The following TMEM9B variants were observed in gnomAD, a reference collection of about 807,000 sequenced individuals.
TMEM9B encodes the protein TMEM9 domain family member B.
A neutral mutation model predicts 23.5 loss-of-function variants in TMEM9B; 8 were observed. The observed-to-expected ratio is 0.34, with a 90% CI of 0.20 to 0.61. The LOEUF (loss-of-function observed/expected upper bound fraction) is 0.61, where lower values mean the gene tolerates loss of function less well. Among genes scored for constraint, TMEM9B ranks in the 20% least tolerant of loss-of-function variants. TMEM9B has a pLI of 0.78. For missense variants in TMEM9B, 197 were observed against 252.3 expected (o/e 0.78, Z 1.49); for synonymous variants, 106 against 96.3 (o/e 1.10, Z -0.59).
chr11:8,955,141 A>C (rs1262343729), intron 3 of TMEM9B, among the ~76,000 whole-genome samples: 1 of 111,220 alleles, frequency 9.0e-6, no homozygotes, highest in Non-Finnish European at 1.9e-5. Flanking sequence ...ATAGAGCAAG[A>C]CTCCATCTCA....
At chr11:8,955,059 G>A (rs1171226758) in intron 3 of TMEM9B, among the ~76,000 whole-genome samples, 2 of 150,328 alleles carry the variant, frequency 1.3e-5, no homozygotes, top group African/African-American at 2.4e-5. Context: ...GCTGAGGCAG[G>A]AGAATCGCTT....
chr11:8,950,891 G>A (rs1853864194), intron 4 of TMEM9B, among the ~76,000 whole-genome samples: 1 of 152,168 alleles, frequency 6.6e-6, no homozygotes, highest in Non-Finnish European at 1.5e-5. Flanking sequence ...TATAAATAGT[G>A]CAGAACTCAC....
chr11:8,953,271 C>T lies in TMEM9B; in HGVS notation c.373G>A (p.Val125Ile). 1 of 1,613,886 alleles carries T rather than the reference C, an allele frequency of 6.2e-7. No homozygotes were observed. Among genetic ancestry groups the T allele is most frequent in the Non-Finnish European group, 8.5e-7 (1 of 1,179,968 alleles). ...AGGCGCCTCTTCAGTATGGGCTCAA[C>T]CAGAGTAAGATATACCATGTACAGA... ...LLLYMVYLTL[V>I]EPILKRRLFG... Residue 125 changes from valine (V) to isoleucine (I), a missense_variant, in exon 4 of 5, where the codon GTT becomes ATT. Physicochemically the swap from Val to Ile is conservative, Grantham distance 29. Coordinates refer to ENST00000534025, the MANE Select transcript of TMEM9B (RefSeq NM_020644.3).
At chr11:8,952,249 TACAC>T (rs142506777) in intron 4 of TMEM9B, among the ~76,000 whole-genome samples, 40,746 of 122,260 alleles carry the variant, frequency 0.33, 6,106 homozygotes, top group Middle Eastern at 0.43. Context: ...GCCAACTATA[TACAC>T]ACACACACAC....
chr11:8,964,112 C>A, intron 1 of TMEM9B, 97 bp downstream of exon 1: 1 of 1,244,388 alleles, frequency 8.0e-7, no homozygotes, highest in South Asian at 1.5e-5. Flanking sequence ...GTATGGCTGT[C>A]AGGAATGGGC....
rs1401728518 is a variant in TMEM9B at position 8,956,252 on chromosome 11, C to T, written c.244G>A (p.Val82Ile). 1.2e-6 allele frequency: 2 copies of T among 1,613,732 alleles called. No individual in the cohort carries two copies. The highest frequency in any genetic ancestry group is 1.7e-5 in the Admixed American group (1 of 59,982). ...TCACAGCGTAGACAGTATGCTTCTA[C>T]ATCAGGCCCCCGCACAGGCATGGGC... ...VEPMPVRGPD[V>I]EAYCLRCECK... Residue 82 changes from valine to isoleucine, a missense_variant, in exon 3 of 5, where the codon GTA becomes ATA. Val to Ile is a conservative substitution (Grantham distance 29, BLOSUM62 3). Coordinates refer to ENST00000534025, the MANE Select transcript of TMEM9B (RefSeq NM_020644.3).
Position 8,948,248 on chromosome 11 carries a change from C to G in TMEM9B, c.*72G>C. On this transcript the variant is annotated 3_prime_UTR_variant, in exon 5 of 5. Transcript: ENST00000534025. ...AATCAACAAGGTATTAAAATGAAAC[C>G]CAGCAAAACCCAGTCAGTTCTTTCC... 14 of 1,514,046 alleles carry G rather than the reference C, an allele frequency of 9.2e-6. No homozygotes were observed. Among genetic ancestry groups the G allele is most frequent in the Non-Finnish European group, 1.2e-5 (14 of 1,127,010 alleles). 93.8% of individuals were successfully genotyped at this position (1,514,046 alleles called of 1,614,324 possible).
chr11:8,964,267 C>A lies in TMEM9B; in HGVS notation c.47G>T (p.Ser16Ile). 1.3e-6 allele frequency: 2 copies of A among 1,596,712 alleles called. No individual in the cohort carries two copies. Among genetic ancestry groups the A allele is most frequent in the Non-Finnish European group, 1.7e-6 (2 of 1,172,560 alleles). Reference protein sequence around the residue: ...GGLLRLGSLLSLSCLALSVLL... With the variant: ...GGLLRLGSLLILSCLALSVLL... Reference sequence around the variant, plus strand: ...CACGGAAAGCGCCAGGCACGACAGGCTGAGCAAGGAGCCAAGCCGAAGAAG... The same window carrying A: ...CACGGAAAGCGCCAGGCACGACAGGATGAGCAAGGAGCCAAGCCGAAGAAG... The change falls in exon 1 of 5, where the codon AGC becomes ATC. Residue 16 changes from serine to isoleucine, a missense_variant. Physicochemically the swap from Ser to Ile is moderately radical, Grantham distance 142. Around this residue, in one of 2 missense-constraint regions of TMEM9B, gnomAD observed 56 missense variants for 38.2 expected, o/e 1.46. Transcript: ENST00000534025.
chr11:8,950,012 C>T (rs925346018), intron 4 of TMEM9B, among the ~76,000 whole-genome samples: 3 of 151,864 alleles, frequency 2.0e-5, no homozygotes, highest in Non-Finnish European at 2.9e-5. Context: ...GATCCTCCTG[C>T]CTCAGCGTCC....
At position 8,954,017 on chromosome 11, in the gene TMEM9B, C is replaced by T. The variant is rs369223360; in HGVS notation, c.307-680G>A. 3.3e-5 allele frequency among the ~76,000 whole-genome samples: 5 copies of T among 152,152 alleles called. No homozygotes were observed. The South Asian group carries it at 6.2e-4, about 19-fold the overall frequency. On this transcript the variant is annotated intron_variant, in intron 3 of 4. Coordinates refer to ENST00000534025, the MANE Select transcript of TMEM9B (RefSeq NM_020644.3). ...AGTAAAAACCCAGACATAATCCAAA[C>T]GTCCATCAACTGATAAATGCATATT...
At chr11:8,956,162 C>A in intron 3 of TMEM9B, 28 bp downstream of exon 3, 1 of 1,594,692 alleles carries the variant, frequency 6.3e-7, no homozygotes, top group Non-Finnish European at 8.6e-7. Flanking sequence ...GACAGACAGA[C>A]AGGTAGATAG....
chr11:8,956,916 T>C (rs1178271426), intron 2 of TMEM9B, among the ~76,000 whole-genome samples: 1 of 152,122 alleles, frequency 6.6e-6, no homozygotes, highest in Non-Finnish European at 1.5e-5. Context: ...GATCAGGTCT[T>C]GGTTTGTTGA....
In TMEM9B at chr11:8,958,029, C is replaced by T. The variant is rs188572791; in HGVS notation, c.198-1731G>A. 9.9e-5 allele frequency among the ~76,000 whole-genome samples: 15 copies of T among 151,794 alleles called. 1 individual carries two copies. The East Asian group carries it at 2.9e-3, about 30-fold the overall frequency. On this transcript the variant is annotated intron_variant, in intron 2 of 4. Coordinates refer to ENST00000534025, the MANE Select transcript of TMEM9B (RefSeq NM_020644.3). Reference sequence around the variant, plus strand: ...AAAAAATTAGCCAGGCATGGTGGTGCATGCCTGTAATCCCAGCTACTCAGG... The same window carrying T: ...AAAAAATTAGCCAGGCATGGTGGTGTATGCCTGTAATCCCAGCTACTCAGG...
At chr11:8,951,744 C>T (rs1406743456) in intron 4 of TMEM9B, among the ~76,000 whole-genome samples, 1 of 143,388 alleles carries the variant, frequency 7.0e-6, no homozygotes, top group African/African-American at 2.6e-5. Context: ...GGCAACAGAG[C>T]GAGACTGCGT....
Position 8,964,402 on chromosome 11 carries a change from C to A in TMEM9B, c.-89G>T, listed in dbSNP as rs1428191481. ...GCTCAGGCTCAGGCTCAGGCACAGGCTTGGGACCCGGCTGGGGATCCTCCG... is the reference window on the plus strand; with the variant it reads ...GCTCAGGCTCAGGCTCAGGCACAGGATTGGGACCCGGCTGGGGATCCTCCG... On this transcript the variant is annotated 5_prime_UTR_variant, in exon 1 of 5. Coordinates refer to ENST00000534025, the MANE Select transcript of TMEM9B (RefSeq NM_020644.3). The A allele has an allele frequency of 5.4e-6, 8 of 1,477,584 alleles. No individual in the cohort carries two copies. Among genetic ancestry groups the A allele is most frequent in the African/African-American group, 1.4e-5 (1 of 69,242 alleles). 91.5% of individuals were successfully genotyped at this position (1,477,584 alleles called of 1,614,324 possible). A position where few individuals can be genotyped will look rare whatever the true frequency, so the allele number is the denominator to read the frequency against.
At chr11:8,952,947 G>C (rs1420937397) in intron 4 of TMEM9B, 1 of 577,646 alleles carries the variant, frequency 1.7e-6, no homozygotes, top group Non-Finnish European at 3.1e-6. Flanking sequence ...CAATAAAATT[G>C]TGCCTTTGGT....
Position 8,948,458 on chromosome 11 carries a change from T to C in TMEM9B, c.459A>G (p.Ala153=). ...AGCGGGCTAGCACATCGTGTGCATTTGCAAAAGGCTGGTGATCCTAAAAGT... is the reference window on the plus strand; with the variant it reads ...AGCGGGCTAGCACATCGTGTGCATTCGCAAAAGGCTGGTGATCCTAAAAGT... ...DDDIGDHQPF[A]NAHDVLARSR... Residue 153 remains alanine (A), a synonymous_variant, in exon 5 of 5, where the codon GCA becomes GCG. Coordinates refer to ENST00000534025, the MANE Select transcript of TMEM9B (RefSeq NM_020644.3). 2 of 1,614,054 alleles carry C rather than the reference T, an allele frequency of 1.2e-6. No homozygotes were observed. Among genetic ancestry groups the C allele is most frequent in the Non-Finnish European group, 1.7e-6 (2 of 1,179,960 alleles).
rs1044594202 is a variant in TMEM9B, at chr11:8,948,180, A to G, written c.*140T>C. The G allele has an allele frequency of 7.0e-5, 77 of 1,102,716 alleles. No individual in the cohort carries two copies. Among genetic ancestry groups the G allele is most frequent in the Non-Finnish European group, 8.9e-5 (70 of 786,444 alleles). The allele number at this position is 1,102,716 out of a possible 1,614,324, so 68.3% of individuals were successfully genotyped here. On this transcript the variant is annotated 3_prime_UTR_variant, in exon 5 of 5. Transcript: ENST00000534025. ...GTTAACAAGAAAAAAAAATCAAGCA[A>G]GTTTTTGCTTCCAGTTTTGAATCTT...
chr11:8,962,771 T>C (rs1032881178), intron 1 of TMEM9B: 5 of 152,208 alleles, frequency 3.3e-5, no homozygotes, highest in African/African-American at 7.2e-5. Flanking sequence ...CCAGGAAACT[T>C]TGCTTCTAAT....
Sources: allele counts gnomAD v4.1 joint callset (sites outside exome capture counted in the v4.1 genomes callset), GRCh38; gene constraint gnomAD v4.1.1; regional missense constraint gnomAD v4.1.1; transcripts MANE v1.5; gene names NCBI Gene and HGNC (gene_info 2026-07-23, HGNC 2026-07-21).